PTCHD4: variants seen among roughly 807,000 people sequenced by gnomAD.
The protein encoded by PTCHD4 is patched domain-containing protein 4.
Under a neutral mutation model 58.1 loss-of-function variants are expected in PTCHD4, and 33 were observed. The observed-to-expected ratio is 0.57, with a 90% CI of 0.43 to 0.76. PTCHD4 has a LOEUF of 0.76. Among genes scored for constraint, PTCHD4 ranks in the 30% least tolerant of loss-of-function variants. The pLI, the probability that PTCHD4 is intolerant of heterozygous loss-of-function variation, is 0.00. For synonymous variants in PTCHD4, 478 were observed against 409.6 expected, an observed-to-expected ratio of 1.17 and a Z score of -2.02; for missense variants, 1,058 against 1,027.1, an observed-to-expected ratio of 1.03 and a Z score of -0.41.
chr6:48,022,919 A>G (rs1451364972), intron 3 of PTCHD4, among the ~76,000 whole-genome samples: 1 of 152,018 alleles, frequency 6.6e-6, no homozygotes, highest in African/African-American at 2.4e-5. Context: ...CTTGAAAGGA[A>G]AAAAAAAGCA....
At chr6:47,906,905 T>C (rs1159556265) in intron 4 of PTCHD4, among the ~76,000 whole-genome samples, 2 of 152,148 alleles carry the variant, frequency 1.3e-5, no homozygotes, top group Non-Finnish European at 2.9e-5. Flanking sequence ...TATTTATTGA[T>C]CTATAATTAT....
intron 4 of PTCHD4, among the ~76,000 whole-genome samples, chr6:47,998,675 A>C (rs1340398070): frequency 2.0e-5 from 3 of 152,146 alleles, no homozygotes; most frequent in Non-Finnish European, 4.4e-5. Flanking sequence ...CACACTAGTC[A>C]ATGCTACCTC....
chr6:48,006,531 A>G (rs1484598966), intron 4 of PTCHD4, among the ~76,000 whole-genome samples: 8 of 152,162 alleles, frequency 5.3e-5, no homozygotes, highest in Admixed American at 3.3e-4. Context: ...ATCATGCTGT[A>G]TGGTTCTTAT....
At chr6:47,921,253 G>A (rs1433117297) in intron 4 of PTCHD4, among the ~76,000 whole-genome samples, 4 of 152,012 alleles carry the variant, frequency 2.6e-5, no homozygotes, top group Non-Finnish European at 5.9e-5. Flanking sequence ...AGGAGAAAGT[G>A]CCATTTCTCT....
intron 4 of PTCHD4, among the ~76,000 whole-genome samples, chr6:47,921,342 T>C (rs1423437226): frequency 6.6e-6 from 1 of 152,184 alleles, no homozygotes; most frequent in Non-Finnish European, 1.5e-5. Flanking sequence ...TTATCTTTTG[T>C]TAATTAAATG....
At chr6:47,902,912 G>A (rs150617339) in intron 4 of PTCHD4, among the ~76,000 whole-genome samples, 1,871 of 152,240 alleles carry the variant, frequency 0.012, 43 homozygotes, top group African/African-American at 0.043. Context: ...TAAAAAGAGC[G>A]CTTTTGGCAT....
intron 3 of PTCHD4, among the ~76,000 whole-genome samples, chr6:48,045,370 T>G (rs1487922432): frequency 6.6e-6 from 1 of 151,836 alleles, no homozygotes; most frequent in Non-Finnish European, 1.5e-5. Flanking sequence ...TAAAAGTGTT[T>G]GAGTCGTAAT....
At chr6:48,043,058 C>T (rs943085277) in intron 3 of PTCHD4, among the ~76,000 whole-genome samples, 5 of 151,790 alleles carry the variant, frequency 3.3e-5, no homozygotes, top group Non-Finnish European at 7.4e-5. Flanking sequence ...GTATCGGTGA[C>T]TATGTTGATA....
chr6:47,944,867 A>G (rs1321801528), intron 4 of PTCHD4, among the ~76,000 whole-genome samples: 1 of 152,152 alleles, frequency 6.6e-6, no homozygotes, highest in Non-Finnish European at 1.5e-5. Flanking sequence ...TTAGTAGGTG[A>G]AGAGAAGCAC....
chr6:48,056,373 T>A (rs1764405296), intron 3 of PTCHD4, among the ~76,000 whole-genome samples: 1 of 152,228 alleles, frequency 6.6e-6, no homozygotes. Flanking sequence ...AAGGGTAACC[T>A]ATACTGTCTA....
In PTCHD4 at chr6:48,068,703, C is replaced by T. The variant is rs1327542950; in HGVS notation, c.6-62G>A. ...TACCCCGTTCTCCCCCATCCCACCC[C>T]CTGGGGCCAGTCCCCCCTCCCCACC... On this transcript the variant is annotated intron_variant, in intron 2 of 4. Coordinates refer to ENST00000339488, the MANE Select transcript of PTCHD4 (RefSeq NM_001384253.1). The surrounding 1 kb of genome is among the most constrained non-coding windows in gnomAD (Gnocchi z 4.2). 1 of 1,455,700 alleles carries T rather than the reference C, an allele frequency of 6.9e-7. No homozygotes were observed. The highest frequency in any genetic ancestry group is 2.2e-5 in the Admixed American group (1 of 45,932). 90.2% of individuals were successfully genotyped at this position (1,455,700 alleles called of 1,614,324 possible). A position where few individuals can be genotyped will look rare whatever the true frequency, so the allele number is the denominator to read the frequency against.
At chr6:47,983,208 ATTGT>A (rs1456799100) in intron 4 of PTCHD4, among the ~76,000 whole-genome samples, 4 of 152,160 alleles carry the variant, frequency 2.6e-5, no homozygotes, top group African/African-American at 4.8e-5. Flanking sequence ...AAGAAAGAAA[ATTGT>A]TTGGGTACTA....
chr6:47,967,854 T>G (rs1767353101), intron 4 of PTCHD4, among the ~76,000 whole-genome samples: 1 of 152,196 alleles, frequency 6.6e-6, no homozygotes, highest in Non-Finnish European at 1.5e-5. Flanking sequence ...GAATTAGGCT[T>G]TGGCTTAAGG....
chr6:47,893,155 C>T (rs937144485), intron 4 of PTCHD4, among the ~76,000 whole-genome samples: 6 of 152,112 alleles, frequency 3.9e-5, no homozygotes, highest in Non-Finnish European at 8.8e-5. Context: ...GGACTACAGG[C>T]GTGTGCCACC....
chr6:47,974,585 G>A (rs781515947), intron 4 of PTCHD4, among the ~76,000 whole-genome samples: 2 of 152,126 alleles, frequency 1.3e-5, no homozygotes, highest in Non-Finnish European at 2.9e-5. Flanking sequence ...CCAGATGTCT[G>A]TAGAATTCCT....
chr6:47,857,167 G>C lies in PTCHD4; in HGVS notation c.*21136C>G, dbSNP rs1006025557. On this transcript the variant is annotated 3_prime_UTR_variant, in exon 5 of 5. Transcript: ENST00000339488. ...TTTACATGTTTTCAGAATAATCACTGTTTCTTTCCTTTCAACAGTTTTGTC... is the reference window on the plus strand; with the variant it reads ...TTTACATGTTTTCAGAATAATCACTCTTTCTTTCCTTTCAACAGTTTTGTC... 1.3e-5 allele frequency among the ~76,000 whole-genome samples: 2 copies of C among 152,018 alleles called. No homozygotes were observed. Among genetic ancestry groups the C allele is most frequent in the Non-Finnish European group, 2.9e-5 (2 of 67,994 alleles).
At chr6:48,061,704 A>G (rs1764632220) in intron 3 of PTCHD4, among the ~76,000 whole-genome samples, 2 of 152,198 alleles carry the variant, frequency 1.3e-5, no homozygotes, top group Admixed American at 6.5e-5. Flanking sequence ...TTAGAAAACA[A>G]ACTGAAATTA....
rs906534960 is a variant in PTCHD4 at position 47,870,215 on chromosome 6, T to C, written c.*8088A>G. ...AAATATGATTTTGATGACTTTTTTT[T>C]CCAAGTAGCTAAGATTTAATTGTTA... On this transcript the variant is annotated 3_prime_UTR_variant, in exon 5 of 5. Transcript: ENST00000339488. 2.6e-5 allele frequency among the ~76,000 whole-genome samples: 4 copies of C among 151,692 alleles called. No homozygotes were observed. The highest frequency in any genetic ancestry group is 9.7e-5 in the African/African-American group (4 of 41,392).
chr6:47,900,202 G>A (rs1258050416), intron 4 of PTCHD4: 1 of 152,164 alleles, frequency 6.6e-6, no homozygotes, highest in Non-Finnish European at 1.5e-5. Flanking sequence ...TTTAGGAACT[G>A]TCAGACTATT....
Sources: gnomAD v4.1 joint callset for allele counts (sites outside exome capture counted in the v4.1 genomes callset) on GRCh38, gnomAD v4.1.1 for gene constraint, Gnocchi (gnomAD v3.1) non-coding constraint, MANE v1.5 for transcripts, NCBI Gene and HGNC (gene_info 2026-07-23, HGNC 2026-07-21) for gene names.